The following TRPC5OS variants were observed in gnomAD, a reference collection of about 807,000 sequenced individuals.
TRPC5OS encodes TRPC5 opposite strand, also known as putative uncharacterized protein TRPC5OS.
For synonymous variants in TRPC5OS, 30 were observed against 29.3 expected (o/e 1.02, Z -0.08); for missense variants, 64 against 79.3 (o/e 0.81, Z 0.73).
In TRPC5OS at chrX:111,901,874, C is replaced by T. The variant is rs185716085; in HGVS notation, c.25C>T (p.Leu9Phe). The change falls in exon 4 of 4, where the codon CTC (leucine) becomes TTC (phenylalanine). Residue 9 changes from leucine (L) to phenylalanine (F), a missense_variant. By Grantham distance (22) the Leu-to-Phe change is conservative. Transcript: ENST00000635763. ...CATGGATTCTGTGTTAATTCATGTA[C>T]TCATTGATGGACTTGTTGCTTGTGT... MDSVLIHV[L>F]IDGLVACVAQ... 1.5e-4 allele frequency: 176 copies of T among 1,144,859 alleles called. No individual in the cohort carries two copies. In the African/African-American group the frequency reaches 2.9e-3, roughly 19 times the overall value. 94.3% of individuals were successfully genotyped at this position (1,144,859 alleles called of 1,213,427 possible).
At chrX:111,887,247 CAAAT>C (rs1924549222) in intron 1 of TRPC5OS, among the ~76,000 whole-genome samples, 1 of 112,660 alleles carries the variant, frequency 8.9e-6, no homozygotes. Flanking sequence ...TAGGAAGAAA[CAAAT>C]AATTTATTCC....
At chrX:111,886,329 C>G (rs1340685001) in intron 1 of TRPC5OS, among the ~76,000 whole-genome samples, 1 of 112,430 alleles carries the variant, frequency 8.9e-6, no homozygotes, top group South Asian at 3.7e-4. Context: ...TCCTCAGTGT[C>G]AGATACTTCA....
intron 1 of TRPC5OS, among the ~76,000 whole-genome samples, chrX:111,894,594 G>C (rs1348761997): frequency 9.0e-6 from 1 of 111,535 alleles, no homozygotes; most frequent in African/African-American, 3.3e-5. Context: ...AAGGGACACT[G>C]CCCTGCACAT....
At chrX:111,899,656 A>T (rs1299941464) in intron 3 of TRPC5OS, among the ~76,000 whole-genome samples, 1 of 111,059 alleles carries the variant, frequency 9.0e-6, no homozygotes, top group African/African-American at 3.3e-5. Context: ...TGGGCTGTAT[A>T]TACCATCTAG....
At chrX:111,883,085 CA>C (rs59699981) in intron 1 of TRPC5OS, among the ~76,000 whole-genome samples, 5,950 of 45,114 alleles carry the variant, frequency 0.13, 504 homozygotes, top group African/African-American at 0.35. Flanking sequence ...GACTCTGTCT[CA>C]AAAAAAAAAA....
chrX:111,901,870 T>C lies in TRPC5OS; in HGVS notation c.21T>C (p.His7=), dbSNP rs939017213. 2.6e-6 allele frequency: 3 copies of C among 1,144,123 alleles called. No individual in the cohort carries two copies. The African/African-American group carries it at 5.4e-5, about 21-fold the overall frequency. The allele number at this position is 1,144,123 out of a possible 1,213,427, so 94.3% of individuals were successfully genotyped here. Residue 7 remains histidine (H), a synonymous_variant, in exon 4 of 4, where the codon CAT becomes CAC. Coordinates refer to ENST00000635763, the MANE Select transcript of TRPC5OS (RefSeq NM_001195578.2). MDSVLI[H]VLIDGLVACV... The stretch of plus-strand genomic sequence containing the variant: ...GCAGCATGGATTCTGTGTTAATTCA[T>C]GTACTCATTGATGGACTTGTTGCTT...
chrX:111,885,250 C>T (rs1369001272), intron 1 of TRPC5OS, among the ~76,000 whole-genome samples: 1 of 112,521 alleles, frequency 8.9e-6, no homozygotes, highest in Non-Finnish European at 1.9e-5. Flanking sequence ...TAGCAAGGGC[C>T]TGGGCCTGTT....
At chrX:111,877,125 G>T (rs1450964444) in intron 1 of TRPC5OS, among the ~76,000 whole-genome samples, 1 of 111,844 alleles carries the variant, frequency 8.9e-6, no homozygotes, top group African/African-American at 3.2e-5. Context: ...GCTGGAGGCA[G>T]GTGGACTGAT....
intron 2 of TRPC5OS, 115 bp downstream of exon 2, chrX:111,896,211 GC>G (rs1925052945): frequency 9.0e-6 from 1 of 111,023 alleles, no homozygotes; most frequent in Non-Finnish European, 1.9e-5. Flanking sequence ...GAGTCCTTCT[GC>G]CTTACAGCCA....
intron 1 of TRPC5OS, among the ~76,000 whole-genome samples, chrX:111,886,457 C>A (rs1416257048): frequency 9.0e-6 from 1 of 111,279 alleles, no homozygotes; most frequent in Admixed American, 9.5e-5. Flanking sequence ...ATTGACACTT[C>A]TTTTTTTTCA....
At chrX:111,883,132 C>T (rs760488538) in intron 1 of TRPC5OS, among the ~76,000 whole-genome samples, 2 of 110,933 alleles carry the variant, frequency 1.8e-5, no homozygotes, top group Admixed American at 1.9e-4. Context: ...AGCCTACTTC[C>T]GGTCTAGATT....
In TRPC5OS at chrX:111,886,206, G is replaced by A. The variant is rs180829138; in HGVS notation, c.-545-9745G>A. 1.6e-3 allele frequency among the ~76,000 whole-genome samples: 181 copies of A among 112,173 alleles called. 1 individual carries two copies. Among genetic ancestry groups the A allele is most frequent in the African/African-American group, 5.6e-3 (174 of 30,833 alleles). On this transcript the variant is annotated intron_variant, in intron 1 of 3. Coordinates refer to ENST00000635763, the MANE Select transcript of TRPC5OS (RefSeq NM_001195578.2). Reference sequence around the variant, plus strand: ...GAGGCAGGAGAATTGCTTGAACCCCGGAGGTGGAGGTTGCAGTGAGCCAAG... The same window carrying A: ...GAGGCAGGAGAATTGCTTGAACCCCAGAGGTGGAGGTTGCAGTGAGCCAAG...
At chrX:111,883,326 G>T (rs1924322048) in intron 1 of TRPC5OS, among the ~76,000 whole-genome samples, 1 of 112,183 alleles carries the variant, frequency 8.9e-6, no homozygotes, top group Non-Finnish European at 1.9e-5. Context: ...CCTATTCAGG[G>T]CCAATGCCTA....
In TRPC5OS at chrX:111,902,145, A is replaced by C. The variant is rs1342044949; in HGVS notation, c.296A>C (p.Asp99Ala). Reference sequence around the variant, plus strand: ...TTAGACATGGATAACTTATATGAAGATACAGTCTCTGGTATAAATGATGAC... The same window carrying C: ...TTAGACATGGATAACTTATATGAAGCTACAGTCTCTGGTATAAATGATGAC... Reference protein sequence around the residue: ...AMLDMDNLYEDTVSGINDDLT... With the variant: ...AMLDMDNLYEATVSGINDDLT... The change falls in exon 4 of 4, where the codon GAT becomes GCT. Residue 99 changes from aspartate (D) to alanine (A), a missense_variant. Physicochemically the swap from Asp to Ala is moderately radical, Grantham distance 126. Transcript: ENST00000635763. 2.6e-6 allele frequency: 3 copies of C among 1,145,498 alleles called. No individual in the cohort carries two copies. The African/African-American group carries it at 5.4e-5, about 21-fold the overall frequency. 94.4% of individuals were successfully genotyped at this position (1,145,498 alleles called of 1,213,427 possible). A position where few individuals can be genotyped will look rare whatever the true frequency, so the allele number is the denominator to read the frequency against.
intron 1 of TRPC5OS, among the ~76,000 whole-genome samples, chrX:111,890,578 T>C (rs948839265): frequency 7.2e-5 from 8 of 111,618 alleles, no homozygotes; most frequent in African/African-American, 2.6e-4. Flanking sequence ...AGACAAACAT[T>C]GTGTTCTTGC....
intron 1 of TRPC5OS, among the ~76,000 whole-genome samples, chrX:111,877,959 G>A (rs926383567): frequency 5.4e-5 from 6 of 111,422 alleles, no homozygotes; most frequent in Non-Finnish European, 1.1e-4. Context: ...ATAGGTTCTG[G>A]TGATTAAGAA....
At chrX:111,899,081 T>G (rs1925211997) in intron 3 of TRPC5OS, among the ~76,000 whole-genome samples, 1 of 110,552 alleles carries the variant, frequency 9.0e-6, no homozygotes, top group Non-Finnish European at 1.9e-5. Flanking sequence ...TAGCAGTTTC[T>G]TCAAGTTTCT....
At chrX:111,891,527 G>T (rs1251963352) in intron 1 of TRPC5OS, among the ~76,000 whole-genome samples, 1 of 110,854 alleles carries the variant, frequency 9.0e-6, no homozygotes, top group South Asian at 3.8e-4. Flanking sequence ...TGCTACACAG[G>T]ATTATTTTGT....
chrX:111,888,167 G>A (rs981853490), intron 1 of TRPC5OS, among the ~76,000 whole-genome samples: 2 of 111,551 alleles, frequency 1.8e-5, no homozygotes, highest in Non-Finnish European at 3.8e-5. Context: ...AGTGTGCTTG[G>A]TGAATTTGAG....
Sources: gnomAD v4.1 joint callset for allele counts (sites outside exome capture counted in the v4.1 genomes callset) on GRCh38, gnomAD v4.1.1 for gene constraint, MANE v1.5 for transcripts, NCBI Gene and HGNC (gene_info 2026-07-23, HGNC 2026-07-21) for gene names.